The following ENOX1 variants were observed in gnomAD, a reference collection of about 807,000 sequenced individuals.
The protein encoded by ENOX1 is candidate growth-related and time keeping constitutive hydroquinone (NADH) oxidase.
A neutral mutation model predicts 82.5 loss-of-function variants in ENOX1; 42 were observed. The observed-to-expected ratio is 0.51, with a 90% CI of 0.40 to 0.66. ENOX1 has a LOEUF of 0.66. ENOX1 is among the 30% of genes least tolerant of loss of function. ENOX1 has a pLI of 0.00. For synonymous variants in ENOX1, 271 were observed against 282.2 expected (o/e 0.96, Z 0.40); for missense variants, 608 against 811.6 (o/e 0.75, Z 3.05).
chr13:43,771,933 A>ATTTTTT (rs34718451), intron 1 of ENOX1, among the ~76,000 whole-genome samples: 90 of 100,962 alleles, frequency 8.9e-4, no homozygotes, highest in African/African-American at 2.2e-3. Flanking sequence ...CGCCCGGCTA[A>ATTTTTT]TTTTTTTTTT....
At chr13:43,430,580 A>C (rs2055596170) in intron 3 of ENOX1, among the ~76,000 whole-genome samples, 1 of 152,304 alleles carries the variant, frequency 6.6e-6, no homozygotes, top group East Asian at 1.9e-4. Flanking sequence ...ACTCATACTT[A>C]TGTGACACAT....
intron 3 of ENOX1, among the ~76,000 whole-genome samples, chr13:43,467,148 C>T (rs1478566383): frequency 1.3e-5 from 2 of 152,086 alleles, no homozygotes; most frequent in African/African-American, 2.4e-5. Context: ...TACCTAGGAG[C>T]GAGATAACTC....
At chr13:43,284,771 GGT>G (rs72187459) in intron 12 of ENOX1, among the ~76,000 whole-genome samples, 24,397 of 143,384 alleles carry the variant, frequency 0.17, 1,875 homozygotes, top group South Asian at 0.25. Context: ...ATTTGTTAAA[GGT>G]GTGTGTGTGT....
chr13:43,706,144 T>G (rs1382832002), intron 1 of ENOX1, among the ~76,000 whole-genome samples: 3 of 151,914 alleles, frequency 2.0e-5, no homozygotes, highest in African/African-American at 7.2e-5. Flanking sequence ...ACTAAGGCAA[T>G]GCTTAGAAAA....
chr13:43,641,004 C>T (rs2083623721), intron 2 of ENOX1, among the ~76,000 whole-genome samples: 1 of 152,036 alleles, frequency 6.6e-6, no homozygotes, highest in Admixed American at 6.6e-5. Context: ...TCCTCCAGAA[C>T]ATTGATCCTG....
intron 9 of ENOX1, among the ~76,000 whole-genome samples, chr13:43,332,485 C>T (rs1242422497): frequency 6.6e-6 from 1 of 152,014 alleles, no homozygotes; most frequent in Admixed American, 6.6e-5. Context: ...GGGCTGGGGA[C>T]CTCTGTTTTA....
chr13:43,464,047 T>C lies in ENOX1; in HGVS notation c.-75+19962A>G, dbSNP rs142268076. Among the ~76,000 whole-genome samples the C allele has an allele frequency of 9.8e-5, 15 of 152,302 alleles. No homozygotes were observed. In the East Asian group the frequency reaches 1.9e-3, roughly 20 times the overall value. ...CACACAGGCAACTAGAACCATGTGC[T>C]ATTGTAGAAACATTTCAGAAAGGTG... On this transcript the variant is annotated intron_variant, in intron 3 of 16. Transcript: ENST00000690772.
intron 11 of ENOX1, among the ~76,000 whole-genome samples, chr13:43,298,968 C>T (rs966089138): frequency 6.6e-6 from 1 of 152,200 alleles, no homozygotes. Context: ...AGCAGTTCCA[C>T]AGGTTGAGAC....
At chr13:43,767,122 T>A (rs1310831620) in intron 1 of ENOX1, among the ~76,000 whole-genome samples, 1 of 152,192 alleles carries the variant, frequency 6.6e-6, no homozygotes, top group Non-Finnish European at 1.5e-5. Context: ...TCACGGGGAA[T>A]GAGAACCTTG....
intron 2 of ENOX1, among the ~76,000 whole-genome samples, chr13:43,565,743 A>G (rs1333122742): frequency 6.6e-6 from 1 of 152,200 alleles, no homozygotes; most frequent in Non-Finnish European, 1.5e-5. Flanking sequence ...GAACAGCAGG[A>G]AATCCAAGGG....
intron 3 of ENOX1, among the ~76,000 whole-genome samples, chr13:43,430,381 C>T (rs2055581737): frequency 6.6e-6 from 1 of 152,186 alleles, no homozygotes; most frequent in Non-Finnish European, 1.5e-5. Context: ...GCCTATTGAC[C>T]TACATATACT....
chr13:43,541,171 C>CTGTTTTTTTTTTTTTTTTTTTTT (rs2078695628), intron 2 of ENOX1, among the ~76,000 whole-genome samples: 1 of 38,734 alleles, frequency 2.6e-5, no homozygotes, highest in Admixed American at 3.8e-4. Flanking sequence ...CTTCTTCCCT[C>CTGTTTTTTTTTTTTTTTTTTTTT]TGTTTTTTTT....
chr13:43,511,329 C>G (rs535028727), intron 2 of ENOX1, among the ~76,000 whole-genome samples: 1 of 152,204 alleles, frequency 6.6e-6, no homozygotes, highest in Admixed American at 6.5e-5. Context: ...CAGGAACATT[C>G]TTAGTGTTGG....
intron 1 of ENOX1, among the ~76,000 whole-genome samples, chr13:43,706,379 C>T (rs527446536): frequency 1.3e-5 from 2 of 151,574 alleles, no homozygotes; most frequent in East Asian, 3.9e-4. Context: ...AAGAAAGAGG[C>T]GGAAGGAGCA....
At chr13:43,675,914 C>A (rs1328532891) in intron 1 of ENOX1, among the ~76,000 whole-genome samples, 2 of 152,176 alleles carry the variant, frequency 1.3e-5, no homozygotes, top group South Asian at 2.1e-4. Flanking sequence ...TTTAATAACC[C>A]ATAAAATGTG....
chr13:43,374,241 T>C (rs1405540944), intron 5 of ENOX1, among the ~76,000 whole-genome samples: 1 of 151,150 alleles, frequency 6.6e-6, no homozygotes, highest in African/African-American at 2.4e-5. Context: ...TCTTTTATCT[T>C]TTCTTTTCTT....
At chr13:43,348,304 G>A (rs989414475) in intron 8 of ENOX1, among the ~76,000 whole-genome samples, 2 of 152,236 alleles carry the variant, frequency 1.3e-5, no homozygotes, top group Non-Finnish European at 2.9e-5. Flanking sequence ...TTGGTTTACA[G>A]ATCTGTCTCC....
chr13:43,745,541 T>C (rs1949978174), intron 1 of ENOX1, among the ~76,000 whole-genome samples: 1 of 152,190 alleles, frequency 6.6e-6, no homozygotes, highest in South Asian at 2.1e-4. Context: ...TTAGAGTATA[T>C]GTGAATATTC....
At position 43,714,432 on chromosome 13, in the gene ENOX1, G is replaced by A. The variant is rs539166481; in HGVS notation, c.-284-46888C>T. ...AGTTCTGTAGATGTCTATTAGGTCCGCTTGCTGCAGAGCTGAGTTCAATTC... is the reference window on the plus strand; with the variant it reads ...AGTTCTGTAGATGTCTATTAGGTCCACTTGCTGCAGAGCTGAGTTCAATTC... On this transcript the variant is annotated intron_variant, in intron 1 of 16. Transcript: ENST00000690772. Among the ~76,000 whole-genome samples the A allele has an allele frequency of 9.5e-4, 144 of 152,234 alleles. No individual in the cohort carries two copies. In the South Asian group the frequency reaches 1.0e-2, roughly 11 times the overall value.
Sources: allele counts gnomAD v4.1 joint callset (sites outside exome capture counted in the v4.1 genomes callset), GRCh38; gene constraint gnomAD v4.1.1; transcripts MANE v1.5; gene names NCBI Gene and HGNC (gene_info 2026-07-23, HGNC 2026-07-21).